RPS6KA5: variants seen among roughly 807,000 people sequenced by gnomAD.
The protein encoded by RPS6KA5 is ribosomal protein S6 kinase alpha-5.
A neutral mutation model predicts 85.5 loss-of-function variants in RPS6KA5; 27 were observed. The observed-to-expected ratio is 0.32, with a 90% CI of 0.23 to 0.44. The LOEUF is 0.44. Among genes scored for constraint, RPS6KA5 ranks in the 20% least tolerant of loss-of-function variants. RPS6KA5 has a pLI of 1.00. For missense variants in RPS6KA5, 811 were observed against 980.9 expected, an observed-to-expected ratio of 0.83 and a Z score of 2.31; for synonymous variants, 334 against 348.2, an observed-to-expected ratio of 0.96 and a Z score of 0.46.
At chr14:90,905,741 T>C (rs1173262559) in intron 8 of RPS6KA5, among the ~76,000 whole-genome samples, 3 of 152,176 alleles carry the variant, frequency 2.0e-5, no homozygotes, top group African/African-American at 2.4e-5. Flanking sequence ...GAAATCACTA[T>C]CTAAAAGGTG....
intron 2 of RPS6KA5, among the ~76,000 whole-genome samples, chr14:90,983,258 C>T (rs369932460): frequency 3.4e-4 from 44 of 129,906 alleles, no homozygotes; most frequent in African/African-American, 5.9e-4. Flanking sequence ...GCCTGGGGGA[C>T]AGAGCAGGAC....
intron 1 of RPS6KA5, among the ~76,000 whole-genome samples, chr14:91,059,469 T>C (rs1400308180): frequency 6.6e-6 from 1 of 152,050 alleles, no homozygotes; most frequent in Non-Finnish European, 1.5e-5. Context: ...AAAGTATTAA[T>C]ATATCTACAA....
At position 90,864,477 on chromosome 14, in the gene RPS6KA5, A is replaced by AT. The variant is rs1432539733; in HGVS notation, c.*7596_*7597insA. On this transcript the variant is annotated 3_prime_UTR_variant, in exon 17 of 17. Transcript: ENST00000614987. ...AGAAGAATATAAGAATATCTTCATA[A>AT]CCTTGGTGTGAACATTTATTAAATA... 6.6e-6 allele frequency: 1 copy of AT among 152,206 alleles called. No individual in the cohort carries two copies. The highest frequency in any genetic ancestry group is 2.4e-5 in the African/African-American group (1 of 41,454). 9.4% of individuals were successfully genotyped at this position (152,206 alleles called of 1,614,324 possible).
At chr14:90,882,492 A>G (rs2033905639) in intron 14 of RPS6KA5, among the ~76,000 whole-genome samples, 1 of 152,192 alleles carries the variant, frequency 6.6e-6, no homozygotes, top group South Asian at 2.1e-4. Flanking sequence ...AAGGCTTTGA[A>G]TTAACTGTCT....
At chr14:90,904,078 T>C (rs1050238980) in intron 8 of RPS6KA5, among the ~76,000 whole-genome samples, 1 of 152,028 alleles carries the variant, frequency 6.6e-6, no homozygotes, top group African/African-American at 2.4e-5. Flanking sequence ...GCCTCCTGAG[T>C]AGCTGGGACT....
chr14:90,937,106 A>T (rs1029545283), intron 5 of RPS6KA5, among the ~76,000 whole-genome samples: 1 of 152,064 alleles, frequency 6.6e-6, no homozygotes, highest in African/African-American at 2.4e-5. Flanking sequence ...AGAGCCAACA[A>T]AAGGCAGTGA....
At chr14:90,947,282 A>C (rs2037921833) in intron 4 of RPS6KA5, among the ~76,000 whole-genome samples, 153 bp downstream of exon 4, 1 of 152,206 alleles carries the variant, frequency 6.6e-6, no homozygotes, top group Non-Finnish European at 1.5e-5. Context: ...TTCAAACGGA[A>C]TTATGAAATT....
chr14:90,930,312 A>G (rs1334093034), intron 5 of RPS6KA5, among the ~76,000 whole-genome samples: 1 of 152,216 alleles, frequency 6.6e-6, no homozygotes, highest in Non-Finnish European at 1.5e-5. Context: ...TCGAATAAGA[A>G]GAGAAAAGAT....
chr14:90,931,516 G>C (rs946764623), intron 5 of RPS6KA5, among the ~76,000 whole-genome samples: 1 of 151,724 alleles, frequency 6.6e-6, no homozygotes, highest in African/African-American at 2.4e-5. Flanking sequence ...TTTTTGTTTT[G>C]TGTTTTTTTA....
intron 1 of RPS6KA5, among the ~76,000 whole-genome samples, chr14:91,018,809 C>T (rs1451113216): frequency 2.0e-5 from 3 of 152,016 alleles, no homozygotes. Context: ...TGGGACTTCA[C>T]CTTGTGATTG....
intron 14 of RPS6KA5, among the ~76,000 whole-genome samples, chr14:90,883,483 T>C (rs1018575441): frequency 6.6e-6 from 1 of 152,196 alleles, no homozygotes; most frequent in African/African-American, 2.4e-5. Context: ...TTCATTTTCT[T>C]TTCAGGTTTT....
intron 1 of RPS6KA5, chr14:91,060,049 G>C (rs1181370621): frequency 1.2e-5 from 12 of 985,288 alleles, no homozygotes; most frequent in Non-Finnish European, 1.3e-5. Context: ...CGACATCCTC[G>C]GAGGTGCGTG....
intron 8 of RPS6KA5, among the ~76,000 whole-genome samples, chr14:90,903,449 T>C (rs2035302225): frequency 6.6e-6 from 1 of 152,356 alleles, no homozygotes; most frequent in East Asian, 1.9e-4. Context: ...CTCCTGGGCA[T>C]CCAGACAGAC....
chr14:90,979,999 T>A (rs903830760), intron 2 of RPS6KA5, among the ~76,000 whole-genome samples: 2 of 152,222 alleles, frequency 1.3e-5, no homozygotes, highest in African/African-American at 4.8e-5. Context: ...GTAAACGTAC[T>A]GAACACATTC....
intron 1 of RPS6KA5, among the ~76,000 whole-genome samples, chr14:91,038,330 C>A (rs142361228): frequency 1.6e-3 from 249 of 152,268 alleles, no homozygotes; most frequent in Non-Finnish European, 2.9e-3. Flanking sequence ...AGGAGTTTGG[C>A]CTCACACAGG....
chr14:91,021,845 A>C (rs562963231), intron 1 of RPS6KA5, among the ~76,000 whole-genome samples: 1 of 152,214 alleles, frequency 6.6e-6, no homozygotes, highest in South Asian at 2.1e-4. Flanking sequence ...ATTTTTGAGA[A>C]CTTCATTTGT....
chr14:90,952,795 A>G (rs773808828), intron 3 of RPS6KA5, among the ~76,000 whole-genome samples: 45 of 152,234 alleles, frequency 3.0e-4, no homozygotes, highest in Non-Finnish European at 4.0e-4. Flanking sequence ...TGGGTAGGGA[A>G]GATAATTTAT....
chr14:91,031,699 A>G (rs2042195423), intron 1 of RPS6KA5, among the ~76,000 whole-genome samples: 1 of 152,186 alleles, frequency 6.6e-6, no homozygotes. Flanking sequence ...TCCAGGAAAA[A>G]CAACCAAAAA....
At chr14:90,952,603 T>C (rs1422374030) in intron 3 of RPS6KA5, among the ~76,000 whole-genome samples, 2 of 152,238 alleles carry the variant, frequency 1.3e-5, no homozygotes, top group African/African-American at 2.4e-5. Context: ...AAGGCATTGA[T>C]CAAAAATTGG....
Sources: gnomAD v4.1 joint callset for allele counts (sites outside exome capture counted in the v4.1 genomes callset) on GRCh38, gnomAD v4.1.1 for gene constraint, MANE v1.5 for transcripts, NCBI Gene and HGNC (gene_info 2026-07-23, HGNC 2026-07-21) for gene names.